Variants in SEZ6 observed in about 807,000 individuals in gnomAD.
SEZ6 encodes the protein seizure related 6 homolog, also known as seizure protein 6 homolog.
SEZ6 carries 53 observed loss-of-function variants against 101.0 expected under a neutral mutation model. That is an observed-to-expected ratio of 0.52 (90% CI 0.42 to 0.66). The LOEUF is 0.66. Among genes scored for constraint, SEZ6 ranks in the 30% least tolerant of loss-of-function variants. SEZ6 has a pLI of 0.00. For synonymous variants in SEZ6, 488 were observed against 512.2 expected, an observed-to-expected ratio of 0.95 and a Z score of 0.64; for missense variants, 1,102 against 1,289.4, an observed-to-expected ratio of 0.85 and a Z score of 2.23.
chr17:28,991,059 C>A (rs1568000117), intron 1 of SEZ6, among the ~76,000 whole-genome samples: 1 of 151,790 alleles, frequency 6.6e-6, no homozygotes, highest in Non-Finnish European at 1.5e-5. Context: ...GCATGTGCCA[C>A]CATGGCCAGC....
At chr17:28,999,217 A>G (rs1323605574) in intron 1 of SEZ6, among the ~76,000 whole-genome samples, 2 of 152,176 alleles carry the variant, frequency 1.3e-5, no homozygotes, top group Non-Finnish European at 2.9e-5. Flanking sequence ...TGAAATAAGC[A>G]GAAGGACCCA....
Position 28,981,435 on chromosome 17 carries a change from A to G in SEZ6, c.660T>C (p.Asp220=). 1 of 1,558,532 alleles carries G rather than the reference A, an allele frequency of 6.4e-7. No individual in the cohort carries two copies. The highest frequency in any genetic ancestry group is 1.9e-5 in the Admixed American group (1 of 51,640). ...GTITSSTASG[D]DEETTTTTTI... is the part of the protein sequence containing the mutation. Reference sequence around the variant, plus strand: ...TGGTGGTAGTGGTGGTCTCCTCATCATCTCCTGAAGCTGTGGAGGAGGTGA... The same window carrying G: ...TGGTGGTAGTGGTGGTCTCCTCATCGTCTCCTGAAGCTGTGGAGGAGGTGA... The change falls in exon 2 of 17, where the codon GAT becomes GAC. Residue 220 remains aspartate (D), a synonymous_variant. Coordinates refer to ENST00000317338, the MANE Select transcript of SEZ6 (RefSeq NM_178860.5).
chr17:28,966,753 C>T (rs571092898), intron 4 of SEZ6, among the ~76,000 whole-genome samples: 4 of 147,724 alleles, frequency 2.7e-5, no homozygotes, highest in East Asian at 3.9e-4. Flanking sequence ...TCTTCCCCCC[C>T]ATTAAAAAGA....
intron 3 of SEZ6, among the ~76,000 whole-genome samples, chr17:28,974,358 C>T (rs2041192747): frequency 6.6e-6 from 1 of 152,182 alleles, no homozygotes; most frequent in Admixed American, 6.5e-5. Flanking sequence ...CTTCCACCCC[C>T]TGGCAGAAAA....
intron 16 of SEZ6, 39 bp from the exon 17 acceptor site, chr17:28,956,033 CAT>C: frequency 6.2e-7 from 1 of 1,610,250 alleles, no homozygotes; most frequent in Non-Finnish European, 8.5e-7. Flanking sequence ...TTTGCCAGGC[CAT>C]AATTCACCTT....
rs865890368 is a variant in SEZ6, at chr17:28,956,392, G to A, written c.2807C>T (p.Ala936Val). The A allele has an allele frequency of 8.3e-6, 13 of 1,571,696 alleles. No individual in the cohort carries two copies. In the African/African-American group the frequency reaches 1.2e-4, roughly 15 times the overall value. Residue 936 changes from alanine to valine, a missense_variant, in exon 15 of 17, where the codon GCG (alanine) becomes GTG (valine). Around this residue, in one of 3 missense-constraint regions of SEZ6, gnomAD observed 140 missense variants for 135.7 expected, o/e 1.03. Transcript: ENST00000317338. ...IAAAIFLPLV[A>V]MVLLVGGVYF... ...TACACCTCCTACCAACAACACCATCGCCACCAGTGGCAAGAAGATGGCAGC... is the reference window on the plus strand; with the variant it reads ...TACACCTCCTACCAACAACACCATCACCACCAGTGGCAAGAAGATGGCAGC...
intron 4 of SEZ6, among the ~76,000 whole-genome samples, chr17:28,969,551 G>A (rs2041119663): frequency 6.6e-6 from 1 of 152,224 alleles, no homozygotes; most frequent in Non-Finnish European, 1.5e-5. Flanking sequence ...TCTGCAGGGT[G>A]GTGGGTGGAA....
intron 1 of SEZ6, among the ~76,000 whole-genome samples, chr17:29,002,475 C>T (rs913366877): frequency 4.6e-5 from 7 of 152,226 alleles, no homozygotes; most frequent in Admixed American, 6.5e-5. Context: ...GCCTGCCAAG[C>T]TTAGACCTAT....
intron 1 of SEZ6, among the ~76,000 whole-genome samples, chr17:28,992,838 C>T (rs974192672): frequency 2.0e-5 from 3 of 152,212 alleles, no homozygotes; most frequent in Non-Finnish European, 4.4e-5. Flanking sequence ...ATGGTCTCGC[C>T]ACTGCAGAGC....
chr17:28,965,300 C>T (rs1049557886), intron 4 of SEZ6, among the ~76,000 whole-genome samples: 5 of 152,016 alleles, frequency 3.3e-5, no homozygotes, highest in African/African-American at 9.7e-5. Flanking sequence ...TGCAGTGAGC[C>T]GAGATCGTGC....
At chr17:28,981,284 C>G in intron 2 of SEZ6, 87 bp downstream of exon 2, 1 of 1,473,820 alleles carries the variant, frequency 6.8e-7, no homozygotes, top group Non-Finnish European at 9.0e-7. Flanking sequence ...GCAGGGCAGG[C>G]TGGCACAGTG....
chr17:29,005,916 C>CG lies in SEZ6; in HGVS notation c.-48dup, dbSNP rs981200681. Reference sequence around the variant, plus strand: ...CTGGGCTGGGACCGCGGCGGGAGGGCGGGGGGCTTGGTGGGGCTTGGGCGC... The same window carrying CG: ...CTGGGCTGGGACCGCGGCGGGAGGGCGGGGGGGCTTGGTGGGGCTTGGGCGC... On this transcript the variant is annotated 5_prime_UTR_variant, in exon 1 of 17. Transcript: ENST00000317338. The surrounding 1 kb of genome is among the most constrained non-coding windows in gnomAD (Gnocchi z 4.8). 1 of 1,040,526 alleles carries CG rather than the reference C, an allele frequency of 9.6e-7. No individual in the cohort carries two copies. The highest frequency in any genetic ancestry group is 1.3e-6 in the Non-Finnish European group (1 of 751,182). 64.5% of individuals were successfully genotyped at this position (1,040,526 alleles called of 1,614,324 possible). A position where few individuals can be genotyped will look rare whatever the true frequency, so the allele number is the denominator to read the frequency against.
Position 28,957,085 on chromosome 17 carries a change from G to C in SEZ6, c.2652C>G (p.His884Gln), listed in dbSNP as rs1185570097. 1.2e-6 allele frequency: 2 copies of C among 1,609,168 alleles called. No individual in the cohort carries two copies. Among genetic ancestry groups the C allele is most frequent in the Admixed American group, 1.7e-5 (1 of 59,786 alleles). ...GQASIKCVPG[H>Q]PSHWSDPPPI... ...GTGGGGGGTCACTCCAATGCGAGGG[G>C]TGCCCAGGCACACACTTGATGCTGG... The change falls in exon 13 of 17, where the codon CAC becomes CAG. Residue 884 changes from histidine to glutamine, a missense_variant. Physicochemically the swap from His to Gln is conservative, Grantham distance 24. This residue lies in a region of SEZ6 where 140 missense variants were observed against 135.7 expected (regional missense o/e 1.03). Transcript: ENST00000317338.
intron 1 of SEZ6, among the ~76,000 whole-genome samples, chr17:28,993,156 G>T (rs1465594151): frequency 6.6e-6 from 1 of 152,064 alleles, no homozygotes; most frequent in Non-Finnish European, 1.5e-5. Context: ...TAATCAATCT[G>T]CTGTACCTCA....
At chr17:28,994,110 C>T (rs1252037658) in intron 1 of SEZ6, among the ~76,000 whole-genome samples, 2 of 152,186 alleles carry the variant, frequency 1.3e-5, no homozygotes, top group East Asian at 3.9e-4. Flanking sequence ...CTGAAAGTCC[C>T]TAGCATGTCT....
chr17:28,972,210 C>T (rs927852924), intron 3 of SEZ6, among the ~76,000 whole-genome samples: 1 of 152,248 alleles, frequency 6.6e-6, no homozygotes, highest in African/African-American at 2.4e-5. Flanking sequence ...TGGCCCCTGC[C>T]CATCTTGCTG....
chr17:28,974,291 C>T (rs1187231827), intron 3 of SEZ6, among the ~76,000 whole-genome samples: 1 of 152,164 alleles, frequency 6.6e-6, no homozygotes, highest in Non-Finnish European at 1.5e-5. Context: ...TGTGTGTACT[C>T]GGACACAGGC....
intron 11 of SEZ6, 120 bp downstream of exon 11, chr17:28,957,827 A>G: frequency 8.7e-7 from 1 of 1,150,072 alleles, no homozygotes; most frequent in Non-Finnish European, 1.2e-6. Context: ...AACTGAGGCT[A>G]TAAGAGGTGA....
intron 10 of SEZ6, among the ~76,000 whole-genome samples, 177 bp from the exon 11 acceptor site, chr17:28,958,318 C>T (rs2040917336): frequency 6.6e-6 from 1 of 152,218 alleles, no homozygotes. Flanking sequence ...TGACATTGCT[C>T]TGTCTCCTAG....
Sources: allele counts gnomAD v4.1 joint callset (sites outside exome capture counted in the v4.1 genomes callset), GRCh38; gene constraint gnomAD v4.1.1; regional missense constraint gnomAD v4.1.1; non-coding constraint Gnocchi (gnomAD v3.1); transcripts MANE v1.5; gene names NCBI Gene and HGNC (gene_info 2026-07-23, HGNC 2026-07-21).